Variants in CLEC16A observed in about 807,000 individuals in gnomAD.
CLEC16A encodes C-type lectin domain containing 16A.
A neutral mutation model predicts 109.5 loss-of-function variants in CLEC16A; 51 were observed. That is an observed-to-expected ratio of 0.47 (90% confidence interval 0.37 to 0.59). CLEC16A has a LOEUF of 0.59. Ranked by LOEUF, CLEC16A falls within the 20% of genes least tolerant of loss-of-function variation. The probability of loss-of-function intolerance (pLI) is 0.00; values close to 1 mark genes in which losing one functional copy is unlikely to be tolerated. For synonymous variants in CLEC16A, 673 were observed against 564.2 expected, an observed-to-expected ratio of 1.19 and a Z score of -2.73; for missense variants, 1,339 against 1,394.0, an observed-to-expected ratio of 0.96 and a Z score of 0.63.
intron 11 of CLEC16A, among the ~76,000 whole-genome samples, chr16:11,017,063 G>A (rs1300066327): frequency 1.3e-5 from 2 of 151,880 alleles, no homozygotes; most frequent in Non-Finnish European, 2.9e-5. Flanking sequence ...CTAACAGTCT[G>A]GGGAGAGTCT....
At chr16:11,067,591 G>C (rs1249859184) in intron 19 of CLEC16A, among the ~76,000 whole-genome samples, 2 of 152,182 alleles carry the variant, frequency 1.3e-5, no homozygotes, top group East Asian at 1.9e-4. Context: ...GGCATATCAA[G>C]TGTTCAGGGT....
chr16:11,144,926 G>A (rs2903692), intron 22 of CLEC16A, among the ~76,000 whole-genome samples: 50,972 of 151,972 alleles, frequency 0.34, 8,667 homozygotes, highest in South Asian at 0.44. Context: ...CCCTCATGGA[G>A]TTCATGGTGT....
At chr16:10,981,034 G>A (rs1270924786) in intron 9 of CLEC16A, among the ~76,000 whole-genome samples, 1 of 152,256 alleles carries the variant, frequency 6.6e-6, no homozygotes, top group South Asian at 2.1e-4. Flanking sequence ...TTTGAGTCTG[G>A]CCTGCACGTG....
chr16:11,037,268 C>T lies in CLEC16A; in HGVS notation c.1538-2486C>T, dbSNP rs531348402. On this transcript the variant is annotated intron_variant, in intron 13 of 23. Coordinates refer to ENST00000409790, the MANE Select transcript of CLEC16A (RefSeq NM_015226.3). ...GGGCTGGCTGTGTGGGTGCTGCCAC[C>T]CTTTCCCATTTGGACCCCACCCACC... Among the ~76,000 whole-genome samples, 64 of 152,288 alleles carry T rather than the reference C, an allele frequency of 4.2e-4. No individual in the cohort carries two copies. In the East Asian group the frequency reaches 0.012, roughly 28 times the overall value.
intron 19 of CLEC16A, among the ~76,000 whole-genome samples, chr16:11,084,163 T>C (rs150863036): frequency 6.6e-6 from 1 of 152,116 alleles, no homozygotes; most frequent in Non-Finnish European, 1.5e-5. Context: ...TACAGGCCCA[T>C]CCCTCTGCTT....
chr16:11,125,575 C>T (rs1280668259), intron 21 of CLEC16A, among the ~76,000 whole-genome samples: 1 of 152,220 alleles, frequency 6.6e-6, no homozygotes, highest in Non-Finnish European at 1.5e-5. Flanking sequence ...TGCGGATATA[C>T]ATACACACGT....
chr16:11,162,319 C>T (rs1001459978), intron 22 of CLEC16A, among the ~76,000 whole-genome samples: 6 of 152,162 alleles, frequency 3.9e-5, no homozygotes, highest in Non-Finnish European at 8.8e-5. Flanking sequence ...CTTGGTGAGT[C>T]CAGGGGAGAG....
At chr16:10,957,398 G>A (rs763891097) in intron 1 of CLEC16A, among the ~76,000 whole-genome samples, 5 of 152,246 alleles carry the variant, frequency 3.3e-5, no homozygotes, top group Non-Finnish European at 7.3e-5. Flanking sequence ...GCATCAACAT[G>A]ATGGGAAGCA....
chr16:11,018,332 G>A (rs2045888909), intron 11 of CLEC16A, among the ~76,000 whole-genome samples: 1 of 151,378 alleles, frequency 6.6e-6, no homozygotes, highest in Admixed American at 6.6e-5. Context: ...CCAGGAAGAT[G>A]TCTCCGTGGA....
intron 22 of CLEC16A, among the ~76,000 whole-genome samples, chr16:11,159,939 A>G (rs1373815427): frequency 1.3e-5 from 2 of 152,170 alleles, no homozygotes; most frequent in Admixed American, 6.5e-5. Flanking sequence ...GGAAACAGGT[A>G]GTATGTAAGG....
intron 19 of CLEC16A, among the ~76,000 whole-genome samples, chr16:11,110,858 G>C (rs1286498855): frequency 1.3e-5 from 2 of 152,202 alleles, no homozygotes; most frequent in Non-Finnish European, 2.9e-5. Flanking sequence ...TTTAAACCCA[G>C]TCTGCACAGT....
chr16:11,120,596 C>G lies in CLEC16A; in HGVS notation c.2117-19C>G, dbSNP rs769573300. 25 of 1,599,570 alleles carry G rather than the reference C, an allele frequency of 1.6e-5. No individual in the cohort carries two copies. Among genetic ancestry groups the G allele is most frequent in the Non-Finnish European group, 2.1e-5 (25 of 1,171,348 alleles). On this transcript the variant is annotated intron_variant, in intron 19 of 23. Transcript: ENST00000409790. ...CAGCCAGACTGTGCCTCATTCTCTT[C>G]TCACCTTCCTCCTCCCAGATAACAG...
Position 11,001,170 on chromosome 16 carries a change from C to T in CLEC16A, c.1072-1904C>T, listed in dbSNP as rs143036791. On this transcript the variant is annotated intron_variant, in intron 10 of 23. Coordinates refer to ENST00000409790, the MANE Select transcript of CLEC16A (RefSeq NM_015226.3). ...AGTGCAGTGGCGCCATGTTGGCGCT[C>T]TGCCTCCTTGGCTCGAGCGATCCTT... Among the ~76,000 whole-genome samples the T allele has an allele frequency of 8.3e-3, 1,263 of 152,236 alleles. 22 individuals are homozygous for T. Among genetic ancestry groups the T allele is most frequent in the African/African-American group, 0.029 (1,198 of 41,550 alleles).
intron 1 of CLEC16A, among the ~76,000 whole-genome samples, chr16:10,953,035 T>G (rs959798971): frequency 2.6e-5 from 4 of 152,196 alleles, no homozygotes; most frequent in African/African-American, 9.7e-5. Context: ...AAGAAGGTGA[T>G]TTTTGAATGT....
chr16:11,018,247 C>T (rs2045880506), intron 11 of CLEC16A, among the ~76,000 whole-genome samples: 1 of 149,418 alleles, frequency 6.7e-6, no homozygotes, highest in Non-Finnish European at 1.5e-5. Context: ...CACACCACTG[C>T]ACTCTAGGCT....
intron 11 of CLEC16A, among the ~76,000 whole-genome samples, chr16:11,007,333 G>A (rs1597014449): frequency 6.6e-6 from 1 of 152,240 alleles, no homozygotes; most frequent in East Asian, 1.9e-4. Flanking sequence ...TCTTTTGGAA[G>A]TCTCTACTGA....
At position 11,109,276 on chromosome 16, in the gene CLEC16A, C is replaced by T. The variant is rs564013525; in HGVS notation, c.2117-11339C>T. Among the ~76,000 whole-genome samples the T allele has an allele frequency of 1.8e-4, 27 of 152,002 alleles. No homozygotes were observed. The South Asian group carries it at 5.6e-3, about 32-fold the overall frequency. Reference sequence around the variant, plus strand: ...GAACTCCAGGCTCAAGCTATCCTCCCACCTCAGCCTGGGACCACAGGTGTG... The same window carrying T: ...GAACTCCAGGCTCAAGCTATCCTCCTACCTCAGCCTGGGACCACAGGTGTG... On this transcript the variant is annotated intron_variant, in intron 19 of 23. Coordinates refer to ENST00000409790, the MANE Select transcript of CLEC16A (RefSeq NM_015226.3).
chr16:11,123,560 A>C (rs1425660384), intron 20 of CLEC16A, among the ~76,000 whole-genome samples, 182 bp from the exon 21 acceptor site: 1 of 152,140 alleles, frequency 6.6e-6, no homozygotes, highest in African/African-American at 2.4e-5. Context: ...GTCCTCTCCC[A>C]CTGGGCCTGG....
intron 11 of CLEC16A, among the ~76,000 whole-genome samples, chr16:11,006,650 G>T (rs914114502): frequency 1.3e-5 from 2 of 152,204 alleles, no homozygotes; most frequent in African/African-American, 4.8e-5. Flanking sequence ...AAGGCATGTG[G>T]TCACGAGGCA....
Sources: allele counts gnomAD v4.1 joint callset (sites outside exome capture counted in the v4.1 genomes callset), GRCh38; gene constraint gnomAD v4.1.1; transcripts MANE v1.5; gene names NCBI Gene and HGNC (gene_info 2026-07-23, HGNC 2026-07-21).